The following ROBO2 variants were observed in gnomAD, a reference collection of about 807,000 sequenced individuals.
ROBO2 encodes roundabout guidance receptor 2.
ROBO2 carries 53 observed loss-of-function variants against 160.8 expected under a neutral mutation model. That is an observed-to-expected ratio of 0.33 (90% CI 0.26 to 0.41). The LOEUF (loss-of-function observed/expected upper bound fraction) is 0.41, where lower values mean the gene tolerates loss of function less well. Ranked by LOEUF, ROBO2 falls within the 10% of genes least tolerant of loss-of-function variation. The pLI is 1.00. For missense variants in ROBO2, 1,577 were observed against 1,722.4 expected, an observed-to-expected ratio of 0.92 and a Z score of 1.49; for synonymous variants, 664 against 611.7, an observed-to-expected ratio of 1.09 and a Z score of -1.26.
intron 23 of ROBO2, chr3:77,632,600 T>C: frequency 1.3e-6 from 2 of 1,535,812 alleles, no homozygotes; most frequent in Non-Finnish European, 1.7e-6. Flanking sequence ...CAAGCACTGG[T>C]GGCAGCAGCA....
At chr3:76,521,778 T>C (rs2107896168) in intron 2 of ROBO2, among the ~76,000 whole-genome samples, 1 of 152,328 alleles carries the variant, frequency 6.6e-6, no homozygotes, top group African/African-American at 2.4e-5. Flanking sequence ...TTCAGAAGTA[T>C]ATGTTCTTTC....
chr3:76,777,156 A>G (rs535479340), intron 2 of ROBO2, among the ~76,000 whole-genome samples: 1 of 151,200 alleles, frequency 6.6e-6, no homozygotes, highest in African/African-American at 2.4e-5. Context: ...AAATAGTAGA[A>G]TTAATTAGAT....
At chr3:76,256,237 G>A (rs569741020) in intron 2 of ROBO2, among the ~76,000 whole-genome samples, 3 of 150,492 alleles carry the variant, frequency 2.0e-5, no homozygotes, top group African/African-American at 7.3e-5. Flanking sequence ...TTGAGCTCAG[G>A]AAGTCAGGGA....
chr3:76,062,736 T>A (rs2068110465), intron 2 of ROBO2, among the ~76,000 whole-genome samples: 1 of 152,212 alleles, frequency 6.6e-6, no homozygotes, highest in African/African-American at 2.4e-5. Context: ...GTGTTAGCTA[T>A]AGGACTGTCA....
chr3:76,840,503 G>A (rs1229224282), intron 2 of ROBO2, among the ~76,000 whole-genome samples: 3 of 151,172 alleles, frequency 2.0e-5, no homozygotes, highest in African/African-American at 4.9e-5. Context: ...CCAGCTACTC[G>A]GGAGGCTGAG....
chr3:77,223,266 T>C (rs185340381), intron 2 of ROBO2, among the ~76,000 whole-genome samples: 40 of 152,278 alleles, frequency 2.6e-4, no homozygotes, highest in East Asian at 1.5e-3. Context: ...TGTACCTTCA[T>C]TGATTTTTTT....
intron 2 of ROBO2, among the ~76,000 whole-genome samples, chr3:76,840,514 G>A (rs1306724222): frequency 6.6e-6 from 1 of 151,252 alleles, no homozygotes; most frequent in Non-Finnish European, 1.5e-5. Flanking sequence ...GGAGGCTGAG[G>A]CAGGAGAATC....
chr3:76,182,741 T>C (rs1701570052), intron 2 of ROBO2, among the ~76,000 whole-genome samples: 1 of 152,140 alleles, frequency 6.6e-6, no homozygotes, highest in African/African-American at 2.4e-5. Flanking sequence ...AAAACTAATA[T>C]CCTTCCTTGG....
chr3:77,457,143 A>G (rs2081742373), intron 2 of ROBO2, among the ~76,000 whole-genome samples: 1 of 152,150 alleles, frequency 6.6e-6, no homozygotes, highest in Non-Finnish European at 1.5e-5. Flanking sequence ...AACATTCTCT[A>G]GGAAGTCAAT....
chr3:77,190,155 A>G (rs1302540089), intron 2 of ROBO2, among the ~76,000 whole-genome samples: 1 of 151,922 alleles, frequency 6.6e-6, no homozygotes, highest in East Asian at 1.9e-4. Context: ...CCTTGTTTCT[A>G]AAGAATGCAT....
At chr3:77,085,201 G>A (rs2069144646) in intron 1 of ROBO2, among the ~76,000 whole-genome samples, 1 of 152,012 alleles carries the variant, frequency 6.6e-6, no homozygotes, top group Admixed American at 6.6e-5. Context: ...CATCAAAACT[G>A]TTATGATTGG....
chr3:77,082,992 T>A (rs2068839264), intron 1 of ROBO2, among the ~76,000 whole-genome samples: 1 of 152,152 alleles, frequency 6.6e-6, no homozygotes, highest in Non-Finnish European at 1.5e-5. Context: ...CTGAGGCAGT[T>A]GGCCCATGGA....
rs373516073 is a variant in ROBO2, at chr3:76,837,233, T to C, written c.110-260781T>C. On this transcript the variant is annotated intron_variant, in intron 2 of 26. Transcript: ENST00000487694. ...CCATATTTTACACTAAATATTTCAA[T>C]TGATAGGTAGCACAAACACTTTAGC... Among the ~76,000 whole-genome samples the C allele has an allele frequency of 2.2e-4, 34 of 152,002 alleles. No homozygotes were observed. The East Asian group carries it at 4.3e-3, about 19-fold the overall frequency.
chr3:77,197,128 TG>T (rs1461698041), intron 2 of ROBO2, among the ~76,000 whole-genome samples: 2 of 152,212 alleles, frequency 1.3e-5, no homozygotes, highest in African/African-American at 4.8e-5. Context: ...TTCTGCTGGG[TG>T]GGAAGGCTTC....
At chr3:76,539,323 G>A (rs1211643025) in intron 2 of ROBO2, among the ~76,000 whole-genome samples, 1 of 150,672 alleles carries the variant, frequency 6.6e-6, no homozygotes, top group Non-Finnish European at 1.5e-5. Flanking sequence ...TAACACACCT[G>A]CCCGTTCAGC....
At chr3:77,145,229 A>T (rs932000349) in intron 2 of ROBO2, among the ~76,000 whole-genome samples, 1 of 152,164 alleles carries the variant, frequency 6.6e-6, no homozygotes, top group Non-Finnish European at 1.5e-5. Flanking sequence ...CCAACAAAGG[A>T]GTTCTAAGTA....
At chr3:76,816,798 T>G (rs1002672300) in intron 2 of ROBO2, among the ~76,000 whole-genome samples, 1 of 151,920 alleles carries the variant, frequency 6.6e-6, no homozygotes, top group African/African-American at 2.4e-5. Flanking sequence ...CTATTCACAA[T>G]AGCAAAGACT....
intron 2 of ROBO2, among the ~76,000 whole-genome samples, chr3:76,727,395 C>T (rs763282014): frequency 2.0e-5 from 3 of 152,076 alleles, no homozygotes; most frequent in Non-Finnish European, 4.4e-5. Context: ...CTACTTGCTG[C>T]CCTAAATTCA....
At chr3:77,192,854 A>G (rs948808186) in intron 2 of ROBO2, among the ~76,000 whole-genome samples, 1 of 151,726 alleles carries the variant, frequency 6.6e-6, no homozygotes, top group Non-Finnish European at 1.5e-5. Context: ...GGGCTTCACC[A>G]TGTTGGCCAG....
Sources: gnomAD v4.1 joint callset for allele counts (sites outside exome capture counted in the v4.1 genomes callset) on GRCh38, gnomAD v4.1.1 for gene constraint, MANE v1.5 for transcripts, NCBI Gene and HGNC (gene_info 2026-07-23, HGNC 2026-07-21) for gene names.